The following MICAL2 variants were observed in gnomAD, a reference collection of about 807,000 sequenced individuals.
MICAL2 encodes microtubule associated monooxygenase, calponin and LIM domain containing 2, also known as [F-actin]-monooxygenase MICAL2.
In MICAL2, 77 loss-of-function variants were observed where a neutral mutation model predicts 127.3. The observed-to-expected ratio is 0.60, with a 90% CI of 0.50 to 0.73. The LOEUF (loss-of-function observed/expected upper bound fraction) is 0.73. Among genes scored for constraint, MICAL2 ranks in the 30% least tolerant of loss-of-function variants. The probability of loss-of-function intolerance (pLI) is 0.00; values close to 1 mark genes in which losing one functional copy is unlikely to be tolerated. For missense variants in MICAL2, 1,351 were observed against 1,434.4 expected (o/e 0.94, Z 0.94); for synonymous variants, 570 against 551.1 (o/e 1.03, Z -0.48).
At chr11:12,343,757 G>C (rs1047243037) in intron 32 of MICAL2, among the ~76,000 whole-genome samples, 1 of 152,188 alleles carries the variant, frequency 6.6e-6, no homozygotes, top group Non-Finnish European at 1.5e-5. Flanking sequence ...GCATGTGGCA[G>C]ATGGTATAAT....
At chr11:12,245,341 T>C (rs1324408374) in intron 21 of MICAL2, among the ~76,000 whole-genome samples, 1 of 152,198 alleles carries the variant, frequency 6.6e-6, no homozygotes, top group Admixed American at 6.5e-5. Flanking sequence ...TTCTGTGCTG[T>C]TAGACTGATG....
chr11:12,336,855 C>T (rs969111016), intron 32 of MICAL2, among the ~76,000 whole-genome samples: 1 of 151,940 alleles, frequency 6.6e-6, no homozygotes, highest in Non-Finnish European at 1.5e-5. Flanking sequence ...TTCAGTTTGC[C>T]AGTATTTTAT....
chr11:12,226,384 C>T lies in MICAL2; in HGVS notation c.1888+14C>T. ...TGAGGCCCGTGGGTAAGCACCTGCA[C>T]AGAGGTTTTGCTTAGCCCCTTGAGC... is the stretch of plus-strand genomic sequence containing the variant. On this transcript the variant is annotated intron_variant, in intron 14 of 27. Coordinates refer to ENST00000683283, the MANE Select transcript of MICAL2 (RefSeq NM_001282663.2). 1 of 1,613,210 alleles carries T rather than the reference C, an allele frequency of 6.2e-7. No individual in the cohort carries two copies. The highest frequency in any genetic ancestry group is 8.5e-7 in the Non-Finnish European group (1 of 1,179,542).
At chr11:12,319,715 C>G in exon 30 of MICAL2, 2 of 1,613,818 alleles carry the variant, frequency 1.2e-6, no homozygotes, top group Non-Finnish European at 1.7e-6. Flanking sequence ...ACTTTCCCCT[C>G]AGAGCACAGG....
At chr11:12,250,874 T>A (rs1206144749) in intron 22 of MICAL2, among the ~76,000 whole-genome samples, 1 of 152,192 alleles carries the variant, frequency 6.6e-6, no homozygotes, top group African/African-American at 2.4e-5. Context: ...TGTCTTGCCA[T>A]CAATGCATGC....
At chr11:12,322,779 A>G (rs1389983634) in intron 30 of MICAL2, among the ~76,000 whole-genome samples, 1 of 152,232 alleles carries the variant, frequency 6.6e-6, no homozygotes, top group East Asian at 1.9e-4. Flanking sequence ...GTAAAATGTG[A>G]TAATCATGCT....
At chr11:12,192,133 G>A (rs933491077) in intron 3 of MICAL2, among the ~76,000 whole-genome samples, 3 of 149,212 alleles carry the variant, frequency 2.0e-5, no homozygotes, top group Admixed American at 6.7e-5. Flanking sequence ...GCCTGCATTT[G>A]GTGAAAAGAC....
intron 2 of MICAL2, chr11:12,286,943 G>A (rs902757432): frequency 1.0e-5 from 4 of 392,916 alleles, no homozygotes; most frequent in Non-Finnish European, 1.8e-5. Context: ...ATGGTGTGAG[G>A]GAAGGAGAGA....
At chr11:12,269,142 G>T (rs190649121) in intron 24 of MICAL2, among the ~76,000 whole-genome samples, 3 of 152,292 alleles carry the variant, frequency 2.0e-5, no homozygotes, top group South Asian at 4.1e-4. Context: ...GCTGGACGGG[G>T]ATTGTTTGCT....
intron 32 of MICAL2, among the ~76,000 whole-genome samples, chr11:12,344,752 C>T (rs1938926595): frequency 6.7e-6 from 1 of 150,210 alleles, no homozygotes; most frequent in Non-Finnish European, 1.5e-5. Context: ...CCACTCACCT[C>T]GGCCTCCCAA....
chr11:12,335,503 G>C (rs1423736943), intron 32 of MICAL2, among the ~76,000 whole-genome samples: 2 of 151,938 alleles, frequency 1.3e-5, no homozygotes, highest in African/African-American at 4.8e-5. Context: ...ATTGCTTTTG[G>C]TGTTTTAGTC....
chr11:12,155,394 T>A (rs1433566880), intron 2 of MICAL2, among the ~76,000 whole-genome samples: 1 of 152,090 alleles, frequency 6.6e-6, no homozygotes, highest in South Asian at 2.1e-4. Context: ...TGAATACACA[T>A]ACATATGTGC....
chr11:12,207,276 G>A (rs1854823314), intron 4 of MICAL2, among the ~76,000 whole-genome samples: 1 of 152,126 alleles, frequency 6.6e-6, no homozygotes, highest in Non-Finnish European at 1.5e-5. Flanking sequence ...GGTGTGTTCT[G>A]TATCTCCTGT....
intron 30 of MICAL2, among the ~76,000 whole-genome samples, chr11:12,322,024 C>A (rs377477266): frequency 2.2e-4 from 34 of 152,014 alleles, no homozygotes; most frequent in African/African-American, 7.5e-4. Context: ...TAACTCCTGG[C>A]TCTGCCTATT....
chr11:12,266,598 T>C (rs111412684), downstream of MICAL2, among the ~76,000 whole-genome samples: 1,693 of 152,326 alleles, frequency 0.011, 36 homozygotes, highest in African/African-American at 0.038. Flanking sequence ...GTGGCAACCT[T>C]GCGGTCAGTA....
chr11:12,205,077 AAG>A (rs1488541931), intron 4 of MICAL2, among the ~76,000 whole-genome samples: 1 of 152,238 alleles, frequency 6.6e-6, no homozygotes, highest in East Asian at 1.9e-4. Flanking sequence ...GAGCTTTAAA[AAG>A]AGAGAGAACA....
At chr11:12,311,370 C>G (rs184832226) in intron 29 of MICAL2, among the ~76,000 whole-genome samples, 192 of 150,560 alleles carry the variant, frequency 1.3e-3, no homozygotes, top group African/African-American at 4.4e-3. Flanking sequence ...ATTTTTCTTT[C>G]TTTTTTTTTG....
At chr11:12,192,455 T>C (rs1180830485) in intron 3 of MICAL2, among the ~76,000 whole-genome samples, 1 of 152,030 alleles carries the variant, frequency 6.6e-6, no homozygotes, top group Non-Finnish European at 1.5e-5. Context: ...CTCTTAGAGG[T>C]CAAAATCTGA....
intron 3 of MICAL2, among the ~76,000 whole-genome samples, chr11:12,167,164 C>T (rs879672328): frequency 6.6e-6 from 1 of 152,118 alleles, no homozygotes; most frequent in Non-Finnish European, 1.5e-5. Flanking sequence ...ATCACAGGTA[C>T]CATTACAGAC....
Sources: gnomAD v4.1 joint callset for allele counts (sites outside exome capture counted in the v4.1 genomes callset) on GRCh38, gnomAD v4.1.1 for gene constraint, MANE v1.5 for transcripts, NCBI Gene and HGNC (gene_info 2026-07-23, HGNC 2026-07-21) for gene names.